The following RPS6KB1 variants were observed in gnomAD, a reference collection of about 807,000 sequenced individuals.
RPS6KB1 encodes ribosomal protein S6 kinase beta-1.
In RPS6KB1, 12 loss-of-function variants were observed where a neutral mutation model predicts 70.2. The ratio of observed to expected loss-of-function variants is 0.17; its 90% CI spans 0.11 to 0.28. The LOEUF (loss-of-function observed/expected upper bound fraction) is 0.28, where lower values mean the gene tolerates loss of function less well. Ranked by LOEUF, RPS6KB1 falls within the 10% of genes least tolerant of loss-of-function variation. RPS6KB1 has a pLI of 1.00. For synonymous variants in RPS6KB1, 175 were observed against 211.2 expected, an observed-to-expected ratio of 0.83 and a Z score of 1.49; for missense variants, 270 against 646.6, an observed-to-expected ratio of 0.42 and a Z score of 6.32.
chr17:59,915,293 A>T (rs1017683064), intron 4 of RPS6KB1, among the ~76,000 whole-genome samples: 1 of 151,652 alleles, frequency 6.6e-6, no homozygotes, highest in Non-Finnish European at 1.5e-5. Flanking sequence ...CCGGCAAAAA[A>T]TGTATTTCTA....
chr17:59,913,252 CTATT>C (rs995022010), intron 3 of RPS6KB1, among the ~76,000 whole-genome samples: 35 of 152,120 alleles, frequency 2.3e-4, no homozygotes, highest in African/African-American at 8.2e-4. Flanking sequence ...GGGAAGAAAA[CTATT>C]TAGTTTCACA....
intron 3 of RPS6KB1, among the ~76,000 whole-genome samples, chr17:59,913,567 G>A (rs1017395713): frequency 1.1e-4 from 17 of 152,140 alleles, no homozygotes; most frequent in Non-Finnish European, 1.9e-4. Flanking sequence ...TCAGTATGGG[G>A]GAGGGGTAAG....
Position 59,930,193 on chromosome 17 carries a change from G to C in RPS6KB1, c.587+19G>C. The stretch of plus-strand genomic sequence containing the variant: ...CTGCCTGGTAAGTGAACTTTTTGTG[G>C]TTGCATAGATTCAGGTAATTACAAG... On this transcript the variant is annotated intron_variant, in intron 6 of 14. Transcript: ENST00000225577. 7.1e-7 allele frequency: 1 copy of C among 1,408,496 alleles called. No homozygotes were observed. The highest frequency in any genetic ancestry group is 1.4e-5 in the African/African-American group (1 of 71,004). The allele number at this position is 1,408,496 out of a possible 1,614,324, so 87.2% of individuals were successfully genotyped here. A position where few individuals can be genotyped will look rare whatever the true frequency, so the allele number is the denominator to read the frequency against.
chr17:59,927,807 G>A (rs887936557), intron 5 of RPS6KB1, among the ~76,000 whole-genome samples: 8 of 150,710 alleles, frequency 5.3e-5, no homozygotes, highest in East Asian at 2.0e-4. Flanking sequence ...GTGCCCGCCC[G>A]GAAAAACTTT....
intron 1 of RPS6KB1, among the ~76,000 whole-genome samples, chr17:59,908,969 C>G (rs2042445970): frequency 6.9e-6 from 1 of 145,980 alleles, no homozygotes; most frequent in African/African-American, 2.5e-5. Flanking sequence ...TCTTGTTGCC[C>G]AGACTGGAGT....
At chr17:59,940,452 A>G (rs563295898) in intron 12 of RPS6KB1, among the ~76,000 whole-genome samples, 90 of 151,508 alleles carry the variant, frequency 5.9e-4, no homozygotes, top group African/African-American at 2.1e-3. Context: ...ATGCCTGGCT[A>G]ATTTTTTGTA....
chr17:59,940,145 C>G (rs2044488324), intron 12 of RPS6KB1, among the ~76,000 whole-genome samples: 1 of 152,146 alleles, frequency 6.6e-6, no homozygotes, highest in South Asian at 2.1e-4. Flanking sequence ...TATTACAAAC[C>G]TGCAGTAGCC....
intron 12 of RPS6KB1, among the ~76,000 whole-genome samples, chr17:59,938,183 T>A (rs426271): frequency 3.5e-4 from 40 of 114,974 alleles, no homozygotes; most frequent in Admixed American, 9.2e-4. Flanking sequence ...TTTTTTTTTT[T>A]TGGGGGGGGG....
In RPS6KB1 at chr17:59,909,344, C is replaced by T. The variant is rs1277820244; in HGVS notation, c.142-1218C>T. On this transcript the variant is annotated intron_variant, in intron 1 of 14. Coordinates refer to ENST00000225577, the MANE Select transcript of RPS6KB1 (RefSeq NM_003161.4). ...GTGCAGTGGCGTGATCTCGGCTCACCGCAACTTCTGCCTTCTGGGTTCAAG... is the reference window on the plus strand; with the variant it reads ...GTGCAGTGGCGTGATCTCGGCTCACTGCAACTTCTGCCTTCTGGGTTCAAG... Among the ~76,000 whole-genome samples, 8 of 136,902 alleles carry T rather than the reference C, an allele frequency of 5.8e-5. No individual in the cohort carries two copies. The South Asian group carries it at 9.5e-4, about 16-fold the overall frequency. 89.8% of individuals were successfully genotyped at this position (136,902 alleles called of 152,430 possible). A position where few individuals can be genotyped will look rare whatever the true frequency, so the allele number is the denominator to read the frequency against.
chr17:59,928,268 A>G (rs1233234157), intron 5 of RPS6KB1, among the ~76,000 whole-genome samples: 1 of 152,162 alleles, frequency 6.6e-6, no homozygotes, highest in Non-Finnish European at 1.5e-5. Flanking sequence ...ATATGTATAT[A>G]TGTGTATACA....
intron 12 of RPS6KB1, among the ~76,000 whole-genome samples, chr17:59,940,379 C>T (rs2044506938): frequency 6.8e-6 from 1 of 147,756 alleles, no homozygotes; most frequent in Admixed American, 6.9e-5. Flanking sequence ...CTGTGCCTCC[C>T]GGGTTCAAGC....
chr17:59,898,876 T>G (rs934068695), intron 1 of RPS6KB1, among the ~76,000 whole-genome samples: 3 of 151,832 alleles, frequency 2.0e-5, no homozygotes, highest in Non-Finnish European at 4.4e-5. Context: ...GGATAGGCCA[T>G]AAAGCTTAAG....
At chr17:59,897,906 A>G (rs1016523935) in intron 1 of RPS6KB1, among the ~76,000 whole-genome samples, 9 of 151,284 alleles carry the variant, frequency 5.9e-5, no homozygotes, top group Non-Finnish European at 1.5e-5. Flanking sequence ...TGGAGGTTGC[A>G]GTGAGCCAAG....
chr17:59,928,870 T>C (rs2043775106), intron 5 of RPS6KB1, among the ~76,000 whole-genome samples: 1 of 152,166 alleles, frequency 6.6e-6, no homozygotes, highest in Admixed American at 6.5e-5. Context: ...GATGTTTCCT[T>C]AGTATTAGAT....
chr17:59,924,490 A>G (rs1483695168), intron 4 of RPS6KB1, among the ~76,000 whole-genome samples: 1 of 152,100 alleles, frequency 6.6e-6, no homozygotes, highest in Non-Finnish European at 1.5e-5. Flanking sequence ...AACTCATTAA[A>G]CATTAATATG....
chr17:59,938,187 G>GC (rs1418132468), intron 12 of RPS6KB1, among the ~76,000 whole-genome samples: 55 of 141,952 alleles, frequency 3.9e-4, no homozygotes, highest in African/African-American at 1.2e-3. Context: ...TTTTTTTTGG[G>GC]GGGGGGATAG....
At chr17:59,933,727 C>T (rs1568480880) in intron 7 of RPS6KB1, among the ~76,000 whole-genome samples, 2 of 152,194 alleles carry the variant, frequency 1.3e-5, no homozygotes, top group Non-Finnish European at 2.9e-5. Context: ...TTTAAGGACT[C>T]TTCACAGTTC....
At chr17:59,929,313 T>C (rs2043804445) in intron 5 of RPS6KB1, among the ~76,000 whole-genome samples, 3 of 152,062 alleles carry the variant, frequency 2.0e-5, no homozygotes, top group South Asian at 4.1e-4. Flanking sequence ...TTATTTTTAA[T>C]AGAGATCACC....
intron 12 of RPS6KB1, among the ~76,000 whole-genome samples, chr17:59,938,696 AGTTTGT>A (rs1213989889): frequency 4.0e-5 from 4 of 100,582 alleles, no homozygotes; most frequent in African/African-American, 1.4e-4. Flanking sequence ...CATAATGTGT[AGTTTGT>A]GTGTGTGTGT....
Sources: gnomAD v4.1 joint callset for allele counts (sites outside exome capture counted in the v4.1 genomes callset) on GRCh38, gnomAD v4.1.1 for gene constraint, MANE v1.5 for transcripts, NCBI Gene and HGNC (gene_info 2026-07-23, HGNC 2026-07-21) for gene names.